The following PLCG2 variants were observed in gnomAD, a reference collection of about 807,000 sequenced individuals.
PLCG2 encodes 1-phosphatidylinositol 4,5-bisphosphate phosphodiesterase gamma-2.
Under a neutral mutation model 175.6 loss-of-function variants are expected in PLCG2, and 69 were observed. The ratio of observed to expected loss-of-function variants is 0.39; its 90% CI spans 0.32 to 0.48. The LOEUF is 0.48. PLCG2 is among the 20% of genes least tolerant of loss of function. The pLI is 0.91. For missense variants in PLCG2, 1,798 were observed against 1,650.9 expected, an observed-to-expected ratio of 1.09 and a Z score of -1.54; for synonymous variants, 827 against 624.0, an observed-to-expected ratio of 1.33 and a Z score of -4.85.
intron 2 of PLCG2, among the ~76,000 whole-genome samples, chr16:81,830,686 ATATATTT>A: frequency 6.6e-6 from 1 of 151,798 alleles, no homozygotes; most frequent in East Asian, 1.9e-4. Flanking sequence ...ATATACACAC[ATATATTT>A]TATATATGTA....
chr16:81,902,016 C>G (rs893993755), intron 14 of PLCG2, among the ~76,000 whole-genome samples: 1 of 152,206 alleles, frequency 6.6e-6, no homozygotes, highest in Non-Finnish European at 1.5e-5. Flanking sequence ...GTGGTGGACG[C>G]TTGGTCTCAG....
upstream of PLCG2, among the ~76,000 whole-genome samples, chr16:81,776,472 C>T (rs1040099232): frequency 2.9e-4 from 44 of 152,108 alleles, 1 homozygote; most frequent in Admixed American, 2.7e-3. Flanking sequence ...AGAATGGTTC[C>T]TTCCCCACCT....
At chr16:81,942,109 C>A (rs1910966231) in intron 30 of PLCG2, among the ~76,000 whole-genome samples, 1 of 152,128 alleles carries the variant, frequency 6.6e-6, no homozygotes, top group African/African-American at 2.4e-5. Context: ...TAACTGCCTG[C>A]CAGTTCCTCT....
At chr16:81,843,392 A>G (rs549329828) in intron 2 of PLCG2, among the ~76,000 whole-genome samples, 1 of 152,216 alleles carries the variant, frequency 6.6e-6, no homozygotes, top group Non-Finnish European at 1.5e-5. Context: ...AATCCAGTAC[A>G]TTCCTGAAAA....
rs773671139 is a variant in PLCG2, at chr16:81,786,154, C to G, written c.165C>G (p.Ser55Arg). 3.1e-6 allele frequency: 5 copies of G among 1,613,984 alleles called. No individual in the cohort carries two copies. Among genetic ancestry groups the G allele is most frequent in the African/African-American group, 1.3e-5 (1 of 74,928 alleles). ...VIMETRQVAW[S>R]KTADKIEGFL... ...TGGAGACGCGGCAGGTGGCCTGGAG[C>G]AAGACCGCTGACAAGATCGAGGGCT... The change falls in exon 2 of 33, where the codon AGC becomes AGG. Residue 55 changes from serine (S) to arginine (R), a missense_variant. Coordinates refer to ENST00000564138, the MANE Select transcript of PLCG2 (RefSeq NM_002661.5).
intron 5 of PLCG2, among the ~76,000 whole-genome samples, chr16:81,866,682 G>A (rs111723349): frequency 7.3e-6 from 1 of 136,508 alleles, no homozygotes. Context: ...AGAGGACGCT[G>A]GCCTCTCCCT....
chr16:81,776,399 G>T (rs906332338), upstream of PLCG2, among the ~76,000 whole-genome samples: 1 of 151,756 alleles, frequency 6.6e-6, no homozygotes, highest in Non-Finnish European at 1.5e-5. Context: ...GTGAGCCACC[G>T]CGCCCGGCTC....
chr16:81,891,525 C>T lies in PLCG2; in HGVS notation c.921C>T (p.Asp307=), dbSNP rs533700490. The part of the protein sequence containing the change: ...RENSIWDEKY[D]AVDMQDMNNP... ...ACAGCATCTGGGATGAGAAGTATGA[C>T]GCGGTGGACATGCAGGACATGAACA... Residue 307 remains aspartate (D), a synonymous_variant, in exon 11 of 33, where the codon GAC becomes GAT. Transcript: ENST00000564138. 71 of 1,612,404 alleles carry T rather than the reference C, an allele frequency of 4.4e-5. No homozygotes were observed. The highest frequency in any genetic ancestry group is 1.0e-4 in the Admixed American group (6 of 60,032).
At chr16:81,745,700 T>G (rs899928368) in intron 1 of PLCG2, among the ~76,000 whole-genome samples, 1 of 152,194 alleles carries the variant, frequency 6.6e-6, no homozygotes, top group Admixed American at 6.5e-5. Context: ...AGAATGCCAA[T>G]GTTTCGCATT....
At position 81,854,329 on chromosome 16, in the gene PLCG2, G is replaced by C. The variant is rs563821445; in HGVS notation, c.194-115G>C. 1.1e-5 allele frequency: 10 copies of C among 902,318 alleles called. No individual in the cohort carries two copies. In the East Asian group the frequency reaches 2.4e-4, roughly 22 times the overall value. The allele number at this position is 902,318 out of a possible 1,614,324, so 55.9% of individuals were successfully genotyped here. On this transcript the variant is annotated intron_variant, in intron 2 of 32. Coordinates refer to ENST00000564138, the MANE Select transcript of PLCG2 (RefSeq NM_002661.5). Reference sequence around the variant, plus strand: ...AGTCCAGACGCAGAGATAGCTTTGCGGGATCCTGTTGGGGAAGGAAGGAGC... The same window carrying C: ...AGTCCAGACGCAGAGATAGCTTTGCCGGATCCTGTTGGGGAAGGAAGGAGC...
chr16:81,823,629 G>C (rs770129165), intron 2 of PLCG2, among the ~76,000 whole-genome samples: 1 of 151,868 alleles, frequency 6.6e-6, no homozygotes, highest in Non-Finnish European at 1.5e-5. Flanking sequence ...GGGCTCAAGC[G>C]ATCTTCCCGC....
chr16:81,926,382 G>C (rs372056935), intron 22 of PLCG2, among the ~76,000 whole-genome samples: 2 of 152,206 alleles, frequency 1.3e-5, no homozygotes, highest in Admixed American at 1.3e-4. Flanking sequence ...GAGGGCGTTT[G>C]CATGTCTGGG....
At chr16:81,773,916 A>T (rs1910336824) in intron 2 of PLCG2, among the ~76,000 whole-genome samples, 1 of 151,960 alleles carries the variant, frequency 6.6e-6, no homozygotes, top group Non-Finnish European at 1.5e-5. Context: ...ATCATGCAGG[A>T]CTTTGATGGT....
upstream of PLCG2, among the ~76,000 whole-genome samples, chr16:81,774,872 G>C (rs113744629): frequency 0.013 from 1,944 of 151,932 alleles, 38 homozygotes; most frequent in African/African-American, 0.044. Flanking sequence ...AGCTTCCCGA[G>C]TAGCTGTGAC....
chr16:81,744,079 C>G (rs74366837), intron 1 of PLCG2, among the ~76,000 whole-genome samples: 2 of 151,644 alleles, frequency 1.3e-5, no homozygotes, highest in Non-Finnish European at 2.9e-5. Context: ...AGGATGGTCT[C>G]AAACTCCTGA....
At chr16:81,878,226 C>T (rs184755786) in intron 7 of PLCG2, among the ~76,000 whole-genome samples, 5 of 151,892 alleles carry the variant, frequency 3.3e-5, no homozygotes, top group African/African-American at 4.8e-5. Context: ...CCTAGTGATC[C>T]GCCTGCCTCG....
chr16:81,931,601 C>A lies in PLCG2; in HGVS notation c.2686C>A (p.Leu896Ile), dbSNP rs538170950. 2 of 1,614,038 alleles carry A rather than the reference C, an allele frequency of 1.2e-6. No individual in the cohort carries two copies. Among genetic ancestry groups the A allele is most frequent in the East Asian group, 4.5e-5 (2 of 44,864 alleles). The change falls in exon 25 of 33, where the codon CTC becomes ATC. Residue 896 changes from leucine (L) to isoleucine (I), a missense_variant. Transcript: ENST00000564138. Reference sequence around the variant, plus strand: ...GTTTGCCACAGACAGGGTGGAGGAGCTCTTTGAGTGGTTTCAGAGCATCCG... The same window carrying A: ...GTTTGCCACAGACAGGGTGGAGGAGATCTTTGAGTGGTTTCAGAGCATCCG... ...VEFATDRVEELFEWFQSIREI... is the reference protein window; with the variant it reads ...VEFATDRVEEIFEWFQSIREI...
At chr16:81,895,028 A>G (rs943693177) in intron 12 of PLCG2, among the ~76,000 whole-genome samples, 2 of 151,694 alleles carry the variant, frequency 1.3e-5, no homozygotes. Flanking sequence ...CTCCTCCCTC[A>G]GGAAAAAACA....
chr16:81,917,702 C>G (rs764736069), intron 19 of PLCG2, among the ~76,000 whole-genome samples: 4 of 152,156 alleles, frequency 2.6e-5, no homozygotes, highest in Non-Finnish European at 4.4e-5. Flanking sequence ...AATGTCTATT[C>G]AGATCCTTTG....
Sources: allele counts gnomAD v4.1 joint callset (sites outside exome capture counted in the v4.1 genomes callset), GRCh38; gene constraint gnomAD v4.1.1; transcripts MANE v1.5; gene names NCBI Gene and HGNC (gene_info 2026-07-23, HGNC 2026-07-21).